The following CLN8 variants were observed in gnomAD, a reference collection of about 807,000 sequenced individuals.
CLN8 encodes the protein protein CLN8.
CLN8 carries 14 observed loss-of-function variants against 15.7 expected under a neutral mutation model. The observed-to-expected ratio is 0.89, with a 90% CI of 0.59 to 1.39. The LOEUF is 1.39. CLN8 is among the 40% of genes most tolerant of loss of function. The pLI is 0.00. For synonymous variants in CLN8, 188 were observed against 151.0 expected (o/e 1.25, Z -1.80); for missense variants, 415 against 364.0 (o/e 1.14, Z -1.14).
intron 1 of CLN8, among the ~76,000 whole-genome samples, chr8:1,769,415 G>A (rs2130985145): frequency 6.6e-6 from 1 of 152,270 alleles, no homozygotes; most frequent in Non-Finnish European, 1.5e-5. Context: ...TCACAATTGA[G>A]TCAATTCTGG....
rs1801704893 is a variant in CLN8, at chr8:1,781,253, G to T, written c.*686G>T. The T allele has an allele frequency of 6.6e-6, 1 of 152,180 alleles. No individual in the cohort carries two copies. The highest frequency in any genetic ancestry group is 1.5e-5 in the Non-Finnish European group (1 of 68,262). The allele number at this position is 152,180 out of a possible 1,614,324, so 9.4% of individuals were successfully genotyped here. ...CACACCTGTAATCCCAGCTATTTGG[G>T]AGGCCAAGGCAGGAGAATTGCCTGA... On this transcript the variant is annotated 3_prime_UTR_variant, in exon 3 of 3. Transcript: ENST00000331222.
chr8:1,767,349 G>C (rs1246886174), intron 1 of CLN8, among the ~76,000 whole-genome samples: 3 of 152,126 alleles, frequency 2.0e-5, no homozygotes, highest in African/African-American at 4.8e-5. Context: ...TGACTGCCAG[G>C]AGGGTTTGCC....
At position 1,756,259 on chromosome 8, in the gene CLN8, G is replaced by A. The variant is rs186655192; in HGVS notation, c.-124+177G>A. Among the ~76,000 whole-genome samples, 924 of 152,168 alleles carry A rather than the reference G, an allele frequency of 6.1e-3. 12 individuals are homozygous for A. The highest frequency in any genetic ancestry group is 0.021 in the African/African-American group (889 of 41,508). On this transcript the variant is annotated intron_variant, in intron 1 of 1. Transcript: ENST00000524258. ...AGCACTTTGAGAGGCTGAGGCAGGC[G>A]GATCATGAGGTCAGGAGTTCAAGAC...
At chr8:1,778,804 CATT>C (rs1466606326) in intron 2 of CLN8, among the ~76,000 whole-genome samples, 1 of 152,172 alleles carries the variant, frequency 6.6e-6, no homozygotes, top group African/African-American at 2.4e-5. Context: ...ATTGTCCTCA[CATT>C]AATTTTTTCA....
chr8:1,767,805 T>C (rs1585132313), intron 1 of CLN8, among the ~76,000 whole-genome samples: 1 of 152,208 alleles, frequency 6.6e-6, no homozygotes, highest in East Asian at 1.9e-4. Context: ...ACTTCTGACC[T>C]TGTGATGCAC....
At chr8:1,772,211 C>G (rs979235644) in intron 2 of CLN8, among the ~76,000 whole-genome samples, 3 of 152,130 alleles carry the variant, frequency 2.0e-5, no homozygotes, top group Admixed American at 6.5e-5. Flanking sequence ...GCTGGAATTA[C>G]AAATGTGAGC....
At chr8:1,762,676 TA>T (rs1800829264), upstream of CLN8, 1 of 152,208 alleles carries the variant, frequency 6.6e-6, no homozygotes, top group African/African-American at 2.4e-5. Flanking sequence ...GTTGGTAATT[TA>T]AACGTCCTAT....
intron 2 of CLN8, among the ~76,000 whole-genome samples, chr8:1,772,170 T>G (rs1358731295): frequency 1.3e-5 from 2 of 152,152 alleles, no homozygotes; most frequent in African/African-American, 4.8e-5. Context: ...ACTCCTGACC[T>G]TGTGGTCCGC....
upstream of CLN8, chr8:1,763,051 C>G (rs754990276): frequency 6.6e-6 from 1 of 152,194 alleles, no homozygotes; most frequent in Non-Finnish European, 1.5e-5. Context: ...CTCCTACAGA[C>G]AAAAACTCAG....
At position 1,782,445 on chromosome 8, in the gene CLN8, C is replaced by T. The variant is rs920632202; in HGVS notation, c.*1878C>T. 2.6e-5 allele frequency: 4 copies of T among 152,110 alleles called. No homozygotes were observed. Among genetic ancestry groups the T allele is most frequent in the African/African-American group, 9.7e-5 (4 of 41,436 alleles). 9.4% of individuals were successfully genotyped at this position (152,110 alleles called of 1,614,324 possible). On this transcript the variant is annotated 3_prime_UTR_variant, in exon 3 of 3. Coordinates refer to ENST00000331222, the MANE Select transcript of CLN8 (RefSeq NM_018941.4). ...CGGGCGTGAGCCACTTCACCCGGCC[C>T]GGAGCGGTGTATTTTGATTGCTGGT...
At chr8:1,770,064 G>C (rs1335716470) in intron 1 of CLN8, among the ~76,000 whole-genome samples, 1 of 152,176 alleles carries the variant, frequency 6.6e-6, no homozygotes, top group East Asian at 1.9e-4. Context: ...AACTTCTGCT[G>C]TTTGATCCTA....
In CLN8 at chr8:1,780,788, G is replaced by A; in HGVS notation, c.*221G>A. On this transcript the variant is annotated 3_prime_UTR_variant, in exon 3 of 3. Transcript: ENST00000331222. ...CTGTCTGGCAGGCTCTGTCAGTTTA[G>A]CCGCGCCGGACCGTGTCAAGCATCT... is the stretch of plus-strand genomic sequence containing the variant. 8.3e-6 allele frequency: 5 copies of A among 603,354 alleles called. No individual in the cohort carries two copies. Among genetic ancestry groups the A allele is most frequent in the Non-Finnish European group, 1.5e-5 (5 of 344,224 alleles). The allele number at this position is 603,354 out of a possible 1,614,324, so 37.4% of individuals were successfully genotyped here. A position where few individuals can be genotyped will look rare whatever the true frequency, so the allele number is the denominator to read the frequency against.
chr8:1,763,080 C>G (rs1225161827), upstream of CLN8: 2 of 152,178 alleles, frequency 1.3e-5, no homozygotes, highest in Non-Finnish European at 2.9e-5. Flanking sequence ...GCAGAAGGGC[C>G]GGGGATGCGC....
At chr8:1,774,071 A>G (rs1346463709) in intron 2 of CLN8, among the ~76,000 whole-genome samples, 1 of 152,216 alleles carries the variant, frequency 6.6e-6, no homozygotes, top group Non-Finnish European at 1.5e-5. Context: ...CTCAGGGGAA[A>G]GCAGTGTTGG....
chr8:1,765,131 A>G (rs1800997694), intron 1 of CLN8: 2 of 152,198 alleles, frequency 1.3e-5, no homozygotes, highest in Admixed American at 1.3e-4. Context: ...TTTCCATACA[A>G]AGAGCACAGG....
At chr8:1,776,033 T>C (rs1801499151) in intron 2 of CLN8, among the ~76,000 whole-genome samples, 1 of 150,752 alleles carries the variant, frequency 6.6e-6, no homozygotes, top group Non-Finnish European at 1.5e-5. Context: ...GCACACACGA[T>C]AGAAGATTCT....
intron 2 of CLN8, among the ~76,000 whole-genome samples, chr8:1,778,282 A>G (rs1201313569): frequency 3.3e-5 from 5 of 152,248 alleles, no homozygotes; most frequent in Admixed American, 3.3e-4. Flanking sequence ...GGACATATCA[A>G]AAACCTCCAA....
chr8:1,769,201 G>C (rs1227725083), intron 1 of CLN8, among the ~76,000 whole-genome samples: 2 of 152,208 alleles, frequency 1.3e-5, no homozygotes, highest in East Asian at 3.8e-4. Context: ...ATCAAAGCAA[G>C]AGGTTAGGAG....
chr8:1,773,758 C>CG (rs1347076026), intron 2 of CLN8: 1 of 152,180 alleles, frequency 6.6e-6, no homozygotes, highest in Non-Finnish European at 1.5e-5. Flanking sequence ...GCCTGTGCTC[C>CG]GCATTGCCTA....
Sources: gnomAD v4.1 joint callset for allele counts (sites outside exome capture counted in the v4.1 genomes callset) on GRCh38, gnomAD v4.1.1 for gene constraint, MANE v1.5 for transcripts, NCBI Gene and HGNC (gene_info 2026-07-23, HGNC 2026-07-21) for gene names.